The following CSPP1 variants were observed in gnomAD, a reference collection of about 807,000 sequenced individuals.
CSPP1 encodes the protein centrosome and spindle pole-associated protein 1.
CSPP1 carries 126 observed loss-of-function variants against 164.4 expected under a neutral mutation model. The ratio of observed to expected loss-of-function variants is 0.77; its 90% confidence interval spans 0.66 to 0.89. The LOEUF (loss-of-function observed/expected upper bound fraction) is 0.89. CSPP1 is among the 40% of genes least tolerant of loss of function. The probability of loss-of-function intolerance (pLI) is 0.00; values close to 1 mark genes in which losing one functional copy is unlikely to be tolerated. For missense variants in CSPP1, 1,395 were observed against 1,449.8 expected, an observed-to-expected ratio of 0.96 and a Z score of 0.61; for synonymous variants, 472 against 476.7, an observed-to-expected ratio of 0.99 and a Z score of 0.13.
chr8:67,165,823 G>A (rs1390060265), intron 24 of CSPP1, among the ~76,000 whole-genome samples: 4 of 152,174 alleles, frequency 2.6e-5, no homozygotes, highest in Non-Finnish European at 5.9e-5. Context: ...ACTATTCTTT[G>A]GTCACAAATG....
At chr8:67,091,725 G>T in intron 4 of CSPP1, 78 bp from the exon 5 acceptor site, 1 of 420,110 alleles carries the variant, frequency 2.4e-6, no homozygotes. Flanking sequence ...TTAGAATATA[G>T]AATGCAAAGA....
At chr8:67,165,510 T>G (rs1251203828) in intron 24 of CSPP1, among the ~76,000 whole-genome samples, 1 of 152,228 alleles carries the variant, frequency 6.6e-6, no homozygotes, top group Non-Finnish European at 1.5e-5. Flanking sequence ...TGCATTTAGT[T>G]GTCATGTCTC....
rs1209486977 is a variant in CSPP1 at position 67,196,088 on chromosome 8, T to TA, written c.*496dup. ...ATTTCATGTCATTTGTAGCTACTGA[T>TA]ACAGCAGAAATGAAGGGAACTGTAA... On this transcript the variant is annotated 3_prime_UTR_variant, in exon 31 of 31. Transcript: ENST00000678616. 3 of 153,926 alleles carry TA rather than the reference T, an allele frequency of 1.9e-5. No individual in the cohort carries two copies. The highest frequency in any genetic ancestry group is 4.8e-5 in the African/African-American group (2 of 41,474). 9.5% of individuals were successfully genotyped at this position (153,926 alleles called of 1,614,324 possible).
rs1421010463 is a variant in CSPP1, at chr8:67,158,500, A to G, written c.2295A>G (p.Ala765=). 4 of 1,613,058 alleles carry G rather than the reference A, an allele frequency of 2.5e-6. No individual in the cohort carries two copies. The African/African-American group carries it at 4.0e-5, about 16-fold the overall frequency. ...EEAERERLRI[A]EEKEERRLAE... ...CAGAGCGAGAGAGACTGAGAATTGCAGAAGAAAAAGAAGAAAGACGGCTTG... is the reference window on the plus strand; with the variant it reads ...CAGAGCGAGAGAGACTGAGAATTGCGGAAGAAAAAGAAGAAAGACGGCTTG... The change falls in exon 20 of 31, where the codon GCA becomes GCG. Residue 765 remains alanine (A), a synonymous_variant. Coordinates refer to ENST00000678616, the MANE Select transcript of CSPP1 (RefSeq NM_001382391.1).
intron 7 of CSPP1, chr8:67,099,543 G>T (rs897327752): frequency 1.3e-5 from 2 of 152,134 alleles, no homozygotes; most frequent in African/African-American, 4.8e-5. Flanking sequence ...TTTAGTGAGT[G>T]CATTACTTTT....
chr8:67,140,776 C>A (rs757057953), intron 17 of CSPP1, among the ~76,000 whole-genome samples: 1 of 152,170 alleles, frequency 6.6e-6, no homozygotes, highest in African/African-American at 2.4e-5. Context: ...TTGGGTGGTT[C>A]TCCTCCAAGA....
At chr8:67,167,165 C>T (rs933676363) in intron 24 of CSPP1, among the ~76,000 whole-genome samples, 1 of 152,246 alleles carries the variant, frequency 6.6e-6, no homozygotes, top group African/African-American at 2.4e-5. Context: ...TGTATCTTTT[C>T]CCCACATTTC....
chr8:67,179,844 T>A lies in CSPP1; in HGVS notation c.3157-19T>A, dbSNP rs1265957992. ...ACACAAAACTAATAAAAATAGTCAT[T>A]GAAACATGTTTCTTTTAGCCCAGAG... On this transcript the variant is annotated intron_variant, in intron 27 of 30. Transcript: ENST00000678616. The A allele has an allele frequency of 6.4e-7, 1 of 1,552,606 alleles. No homozygotes were observed. The highest frequency in any genetic ancestry group is 1.7e-5 in the Admixed American group (1 of 58,148).
intron 19 of CSPP1, among the ~76,000 whole-genome samples, chr8:67,156,645 T>C (rs1346438356): frequency 6.6e-6 from 1 of 152,200 alleles, no homozygotes. Flanking sequence ...TCCAAAACTT[T>C]TGTTAAAAAA....
chr8:67,184,727 A>T (rs546470786), intron 28 of CSPP1, among the ~76,000 whole-genome samples: 17 of 148,120 alleles, frequency 1.1e-4, no homozygotes, highest in Admixed American at 4.0e-4. Flanking sequence ...CTGTCTAAAA[A>T]AATAATAATA....
chr8:67,181,490 G>T (rs1203826504), intron 28 of CSPP1, among the ~76,000 whole-genome samples: 1 of 151,908 alleles, frequency 6.6e-6, no homozygotes, highest in Non-Finnish European at 1.5e-5. Context: ...AAGATGGTCT[G>T]GGCCACTCAA....
In CSPP1 at chr8:67,137,608, G is replaced by A. The variant is rs565479598; in HGVS notation, c.1975+5G>A. 1.9e-5 allele frequency: 29 copies of A among 1,510,340 alleles called. No homozygotes were observed. The highest frequency in any genetic ancestry group is 7.1e-5 in the East Asian group (3 of 42,032). 93.6% of individuals were successfully genotyped at this position (1,510,340 alleles called of 1,614,324 possible). A position where few individuals can be genotyped will look rare whatever the true frequency, so the allele number is the denominator to read the frequency against. The stretch of plus-strand genomic sequence containing the variant: ...ATGCAAAAGGAAATCTGATAAGTAC[G>A]TTATTTCTACTGACTTGTTTTTAAA... On this transcript the variant is annotated splice_donor_5th_base_variant and intron_variant, in intron 17 of 30. Coordinates refer to ENST00000678616, the MANE Select transcript of CSPP1 (RefSeq NM_001382391.1).
At chr8:67,093,269 G>A (rs1054094809) in intron 5 of CSPP1, among the ~76,000 whole-genome samples, 1 of 152,180 alleles carries the variant, frequency 6.6e-6, no homozygotes, top group Non-Finnish European at 1.5e-5. Flanking sequence ...ACTCCCTTCT[G>A]TTAGAGACCT....
At chr8:67,156,919 C>T (rs1008765447) in intron 19 of CSPP1, among the ~76,000 whole-genome samples, 2 of 152,184 alleles carry the variant, frequency 1.3e-5, no homozygotes, top group African/African-American at 4.8e-5. Context: ...ATAGCTTTCC[C>T]TGCTTTCCAG....
At chr8:67,070,182 A>G (rs970129851) in intron 1 of CSPP1, among the ~76,000 whole-genome samples, 1 of 151,752 alleles carries the variant, frequency 6.6e-6, no homozygotes, top group African/African-American at 2.4e-5. Flanking sequence ...GGCTGAAATA[A>G]GTCGGGACGG....
intron 24 of CSPP1, among the ~76,000 whole-genome samples, chr8:67,167,851 G>A (rs1216412820): frequency 6.6e-6 from 1 of 151,936 alleles, no homozygotes; most frequent in African/African-American, 2.4e-5. Context: ...CATCCCAGAC[G>A]ATGGGTGGCC....
chr8:67,075,382 G>A lies in CSPP1; in HGVS notation c.99+1031G>A, dbSNP rs546964965. Among the ~76,000 whole-genome samples the A allele has an allele frequency of 1.4e-4, 21 of 152,204 alleles. No homozygotes were observed. The South Asian group carries it at 3.7e-3, about 27-fold the overall frequency. On this transcript the variant is annotated intron_variant, in intron 2 of 30. Coordinates refer to ENST00000678616, the MANE Select transcript of CSPP1 (RefSeq NM_001382391.1). Reference sequence around the variant, plus strand: ...TTGTCCAGTGTTTTTTTCTGGTTTAGCATTTGTCCTGGACAAAGGTACCTT... The same window carrying A: ...TTGTCCAGTGTTTTTTTCTGGTTTAACATTTGTCCTGGACAAAGGTACCTT...
At chr8:67,159,252 C>A in intron 21 of CSPP1, 115 bp downstream of exon 21, 1 of 962,652 alleles carries the variant, frequency 1.0e-6, no homozygotes, top group South Asian at 1.7e-5. Context: ...TGTTCCTGTT[C>A]TGTCTTACTG....
Position 67,159,846 on chromosome 8 carries a change from CTTT to C in CSPP1, c.2538+710_2538+712del, listed in dbSNP as rs1563710315. Among the ~76,000 whole-genome samples the C allele has an allele frequency of 9.9e-5, 12 of 121,050 alleles. 1 individual carries two copies. Among genetic ancestry groups the C allele is most frequent in the Non-Finnish European group, 1.4e-4 (9 of 62,920 alleles). The allele number at this position is 121,050 out of a possible 152,430, so 79.4% of individuals were successfully genotyped here. A position where few individuals can be genotyped will look rare whatever the true frequency, so the allele number is the denominator to read the frequency against. On this transcript the variant is annotated intron_variant, in intron 21 of 30. Transcript: ENST00000678616. ...CTTCTCTCTCTTTCTTTCTTTCTTTCTTTCTTTTTCTTTCTTTCTTTCTTTCTT... is the reference window on the plus strand; with the variant it reads ...CTTCTCTCTCTTTCTTTCTTTCTTTCCTTTTTCTTTCTTTCTTTCTTTCTT...
Sources: allele counts gnomAD v4.1 joint callset (sites outside exome capture counted in the v4.1 genomes callset), GRCh38; gene constraint gnomAD v4.1.1; transcripts MANE v1.5; gene names NCBI Gene and HGNC (gene_info 2026-07-23, HGNC 2026-07-21).